The following SH3RF3 variants were observed in gnomAD, a reference collection of about 807,000 sequenced individuals.
SH3RF3 encodes SH3 domain containing ring finger 3.
In SH3RF3, 29 loss-of-function variants were observed where a neutral mutation model predicts 66.3. The ratio of observed to expected loss-of-function variants is 0.44; its 90% confidence interval spans 0.33 to 0.60. SH3RF3 has a LOEUF of 0.60. Among genes scored for constraint, SH3RF3 ranks in the 20% least tolerant of loss-of-function variants. The pLI is 0.04. For synonymous variants in SH3RF3, 583 were observed against 532.0 expected, an observed-to-expected ratio of 1.10 and a Z score of -1.32; for missense variants, 1,194 against 1,190.9, an observed-to-expected ratio of 1.00 and a Z score of -0.04.
intron 1 of SH3RF3, among the ~76,000 whole-genome samples, chr2:109,222,413 T>C (rs964854546): frequency 6.6e-6 from 1 of 152,234 alleles, no homozygotes; most frequent in Non-Finnish European, 1.5e-5. Flanking sequence ...GATTTGATCA[T>C]TACACATTGT....
chr2:109,325,507 A>G (rs1397839857), intron 1 of SH3RF3, among the ~76,000 whole-genome samples: 1 of 151,768 alleles, frequency 6.6e-6, no homozygotes, highest in East Asian at 1.9e-4. Context: ...TGTACAGCAT[A>G]TCATTTCCTT....
chr2:109,482,715 C>T (rs1678866253), intron 8 of SH3RF3, among the ~76,000 whole-genome samples: 2 of 152,210 alleles, frequency 1.3e-5, no homozygotes, highest in Non-Finnish European at 2.9e-5. Context: ...CTGTCCCTGC[C>T]TGCACCTCCG....
At chr2:109,439,195 C>A (rs551350246) in intron 7 of SH3RF3, among the ~76,000 whole-genome samples, 20 of 152,268 alleles carry the variant, frequency 1.3e-4, no homozygotes, top group Non-Finnish European at 2.4e-4. Flanking sequence ...CCTCCATCAC[C>A]ATAGTAACCA....
chr2:109,489,825 C>T (rs987273102), intron 8 of SH3RF3, among the ~76,000 whole-genome samples: 1 of 152,170 alleles, frequency 6.6e-6, no homozygotes, highest in Non-Finnish European at 1.5e-5. Context: ...GCAACCTCCA[C>T]CTCCTGGGTT....
intron 1 of SH3RF3, among the ~76,000 whole-genome samples, chr2:109,279,047 G>A (rs1680823022): frequency 6.6e-6 from 1 of 152,202 alleles, no homozygotes; most frequent in Non-Finnish European, 1.5e-5. Flanking sequence ...CCAGGGTGAT[G>A]GGGGAGCATG....
intron 8 of SH3RF3, among the ~76,000 whole-genome samples, chr2:109,477,907 A>G (rs1678730992): frequency 6.6e-6 from 1 of 152,222 alleles, no homozygotes; most frequent in Admixed American, 6.5e-5. Flanking sequence ...CAAGTGCAGC[A>G]GCCCCACACC....
At position 109,503,315 on chromosome 2, in the gene SH3RF3, T is replaced by C. The variant is rs1394636353; in HGVS notation, c.*1644T>C. Reference sequence around the variant, plus strand: ...TCAGGGATGTAACCAATTCCAGAAATACATTCTTTTGCCTGGCATGAAGAC... The same window carrying C: ...TCAGGGATGTAACCAATTCCAGAAACACATTCTTTTGCCTGGCATGAAGAC... On this transcript the variant is annotated 3_prime_UTR_variant, in exon 10 of 10. Coordinates refer to ENST00000309415, the MANE Select transcript of SH3RF3 (RefSeq NM_001099289.3). 1 of 152,112 alleles carries C rather than the reference T, an allele frequency of 6.6e-6. No homozygotes were observed. The highest frequency in any genetic ancestry group is 1.5e-5 in the Non-Finnish European group (1 of 68,024). 9.4% of individuals were successfully genotyped at this position (152,112 alleles called of 1,614,324 possible). A position where few individuals can be genotyped will look rare whatever the true frequency, so the allele number is the denominator to read the frequency against.
At chr2:109,376,141 C>T (rs1039876305) in intron 3 of SH3RF3, among the ~76,000 whole-genome samples, 7 of 152,222 alleles carry the variant, frequency 4.6e-5, no homozygotes, top group South Asian at 2.1e-4. Context: ...AGCTGCTCCT[C>T]GGTCCATTGC....
intron 8 of SH3RF3, among the ~76,000 whole-genome samples, chr2:109,469,490 G>A (rs1405897140): frequency 1.3e-5 from 2 of 152,256 alleles, no homozygotes; most frequent in African/African-American, 2.4e-5. Flanking sequence ...TATGTGTGCA[G>A]TGGGATGGTC....
chr2:109,407,407 T>C (rs867655415), intron 4 of SH3RF3, among the ~76,000 whole-genome samples: 1 of 152,238 alleles, frequency 6.6e-6, no homozygotes, highest in African/African-American at 2.4e-5. Flanking sequence ...TTAAAATGCA[T>C]CACCACCTGC....
intron 1 of SH3RF3, among the ~76,000 whole-genome samples, chr2:109,179,157 C>T (rs1477844217): frequency 2.0e-5 from 3 of 151,928 alleles, no homozygotes; most frequent in African/African-American, 7.3e-5. Context: ...GTACAATGTC[C>T]CTGACCAGAG....
chr2:109,373,652 C>T (rs937412541), intron 3 of SH3RF3, among the ~76,000 whole-genome samples: 7 of 152,150 alleles, frequency 4.6e-5, no homozygotes, highest in East Asian at 1.9e-4. Flanking sequence ...GGGATTCTGA[C>T]TGGAAGAGGT....
chr2:109,150,060 A>G (rs1014052208), intron 1 of SH3RF3, among the ~76,000 whole-genome samples: 2 of 152,136 alleles, frequency 1.3e-5, no homozygotes, highest in African/African-American at 2.4e-5. Flanking sequence ...ATCAGATTCA[A>G]CGGTCCCCAG....
chr2:109,408,862 G>T (rs1008390641), intron 4 of SH3RF3, among the ~76,000 whole-genome samples: 2 of 152,192 alleles, frequency 1.3e-5, no homozygotes, highest in East Asian at 1.9e-4. Flanking sequence ...GCACAGGGAG[G>T]GGGGTCCAGG....
intron 8 of SH3RF3, among the ~76,000 whole-genome samples, chr2:109,471,941 G>A (rs1451361449): frequency 6.6e-6 from 1 of 152,146 alleles, no homozygotes; most frequent in African/African-American, 2.4e-5. Flanking sequence ...CATGTAACTT[G>A]GTCTGAAGCA....
intron 1 of SH3RF3, among the ~76,000 whole-genome samples, chr2:109,200,566 T>C (rs1221136108): frequency 2.0e-5 from 3 of 152,120 alleles, no homozygotes; most frequent in Non-Finnish European, 4.4e-5. Flanking sequence ...CCAGCCTTGC[T>C]CTTCTAGGCA....
At chr2:109,200,753 C>T (rs531587577) in intron 1 of SH3RF3, among the ~76,000 whole-genome samples, 1 of 152,332 alleles carries the variant, frequency 6.6e-6, no homozygotes, top group East Asian at 1.9e-4. Context: ...ACCCCTCATG[C>T]CCACTCCATG....
Position 109,254,593 on chromosome 2 carries a change from G to A in SH3RF3, c.574-93081G>A, listed in dbSNP as rs562918582. Among the ~76,000 whole-genome samples the A allele has an allele frequency of 3.3e-5, 5 of 152,312 alleles. No individual in the cohort carries two copies. In the South Asian group the frequency reaches 8.3e-4, roughly 25 times the overall value. On this transcript the variant is annotated intron_variant, in intron 1 of 9. Transcript: ENST00000309415. ...CTTGAGGCACATGTGAAGAAACCAT[G>A]ACTATTCCCATGACCCCGTGAGAAG... is the stretch of plus-strand genomic sequence containing the variant.
At chr2:109,443,858 T>G (rs1677638788) in intron 7 of SH3RF3, among the ~76,000 whole-genome samples, 2 of 152,216 alleles carry the variant, frequency 1.3e-5, no homozygotes, top group African/African-American at 2.4e-5. Context: ...GGTAAAAATT[T>G]AAAACATTAG....
Sources: gnomAD v4.1 joint callset for allele counts (sites outside exome capture counted in the v4.1 genomes callset) on GRCh38, gnomAD v4.1.1 for gene constraint, MANE v1.5 for transcripts, NCBI Gene and HGNC (gene_info 2026-07-23, HGNC 2026-07-21) for gene names.